Variants in ZCCHC9 observed in about 807,000 individuals in gnomAD.
ZCCHC9 encodes zinc finger CCHC domain-containing protein 9.
ZCCHC9 carries 18 observed loss-of-function variants against 30.8 expected under a neutral mutation model. That is an observed-to-expected ratio of 0.58 (90% CI 0.40 to 0.87). The LOEUF is 0.87. Among genes scored for constraint, ZCCHC9 ranks in the 40% least tolerant of loss-of-function variants. The pLI, the probability that ZCCHC9 is intolerant of heterozygous loss-of-function variation, is 0.00. For synonymous variants in ZCCHC9, 94 were observed against 106.7 expected (o/e 0.88, Z 0.73); for missense variants, 279 against 331.2 (o/e 0.84, Z 1.22).
rs1231920885 is a variant in ZCCHC9 at position 81,301,653 on chromosome 5, C to G, written c.-63C>G. 6.6e-6 allele frequency: 1 copy of G among 152,490 alleles called. No individual in the cohort carries two copies. Among genetic ancestry groups the G allele is most frequent in the Non-Finnish European group, 1.5e-5 (1 of 68,278 alleles). The allele number at this position is 152,490 out of a possible 1,614,324, so 9.4% of individuals were successfully genotyped here. Reference sequence around the variant, plus strand: ...TCCCCGGCTCGCCAACTCGGCTGCTCTGGGGGATTCGTGCGCGGTAAGAAG... The same window carrying G: ...TCCCCGGCTCGCCAACTCGGCTGCTGTGGGGGATTCGTGCGCGGTAAGAAG... On this transcript the variant is annotated 5_prime_UTR_variant, in exon 1 of 6. Coordinates refer to ENST00000407610, the MANE Select transcript of ZCCHC9 (RefSeq NM_001131035.2).
At chr5:81,306,840 T>G (rs1297485261) in intron 2 of ZCCHC9, among the ~76,000 whole-genome samples, 4 of 152,218 alleles carry the variant, frequency 2.6e-5, no homozygotes, top group African/African-American at 9.6e-5. Flanking sequence ...CTCAGCTTAG[T>G]AGAGACCACC....
intron 2 of ZCCHC9, among the ~76,000 whole-genome samples, chr5:81,305,390 A>G (rs1758059578): frequency 1.3e-5 from 2 of 152,182 alleles, no homozygotes; most frequent in Admixed American, 6.5e-5. Flanking sequence ...ACTGAAGTGC[A>G]GATAGATTAA....
At chr5:81,309,069 T>C (rs372492695) in intron 4 of ZCCHC9, 31 bp downstream of exon 4, 56 of 1,508,702 alleles carry the variant, frequency 3.7e-5, no homozygotes, top group Non-Finnish European at 4.6e-5. Flanking sequence ...ATAGCAGAAA[T>C]GGTGAGTCAT....
chr5:81,305,287 G>GCA, intron 2 of ZCCHC9, 146 bp downstream of exon 2: 1 of 1,061,564 alleles, frequency 9.4e-7, no homozygotes, highest in South Asian at 1.8e-5. Flanking sequence ...TACTTTTTTA[G>GCA]CACATATATG....
chr5:81,311,871 A>G (rs1758299003), intron 5 of ZCCHC9, among the ~76,000 whole-genome samples: 1 of 152,230 alleles, frequency 6.6e-6, no homozygotes, highest in South Asian at 2.1e-4. Flanking sequence ...CCTGGACTAG[A>G]ATGATAATCC....
In ZCCHC9 at chr5:81,305,097, G is replaced by A; in HGVS notation, c.340G>A (p.Glu114Lys). Residue 114 changes from glutamate to lysine, a missense_variant, in exon 2 of 6, where the codon GAA becomes AAA. Glu to Lys is a moderately conservative substitution (Grantham distance 56, BLOSUM62 1). Coordinates refer to ENST00000407610, the MANE Select transcript of ZCCHC9 (RefSeq NM_001131035.2). ...AVALKKDSRR[E>K]GRRLKRQAAK... Reference sequence around the variant, plus strand: ...TGCTTTAAAGAAAGACAGTCGACGGGAAGGAAGAAGATTAAAAAGACAAGC... The same window carrying A: ...TGCTTTAAAGAAAGACAGTCGACGGAAAGGAAGAAGATTAAAAAGACAAGC... The A allele has an allele frequency of 6.2e-7, 1 of 1,603,706 alleles. No homozygotes were observed. The highest frequency in any genetic ancestry group is 8.5e-7 in the Non-Finnish European group (1 of 1,177,492).
intron 2 of ZCCHC9, among the ~76,000 whole-genome samples, chr5:81,308,022 A>AATCTATCTATCTATCTATCTATCTATCT (rs1554049990): frequency 2.9e-5 from 2 of 68,360 alleles, no homozygotes; most frequent in Non-Finnish European, 5.6e-5. Flanking sequence ...AAAAAAAAAA[A>AATCTATCTATCTATCTATCTATCTATCT]ATCTATCTAT....
intron 1 of ZCCHC9, 48 bp from the exon 2 acceptor site, chr5:81,304,693 T>A (rs1758040658): frequency 6.7e-7 from 1 of 1,502,552 alleles, no homozygotes; most frequent in Non-Finnish European, 8.9e-7. Context: ...TTTTGTTGTT[T>A]TTGTTGTTGA....
chr5:81,312,175 A>T (rs1758310281), intron 5 of ZCCHC9, among the ~76,000 whole-genome samples: 1 of 152,240 alleles, frequency 6.6e-6, no homozygotes, highest in African/African-American at 2.4e-5. Context: ...CAGATGTTGT[A>T]TAATTTCACA....
At position 81,305,048 on chromosome 5, in the gene ZCCHC9, G is replaced by T; in HGVS notation, c.291G>T (p.Glu97Asp). The T allele has an allele frequency of 1.2e-6, 2 of 1,613,822 alleles. No homozygotes were observed. Among genetic ancestry groups the T allele is most frequent in the Non-Finnish European group, 1.7e-6 (2 of 1,179,964 alleles). The change falls in exon 2 of 6, where the codon GAG (glutamate) becomes GAT (aspartate). Residue 97 changes from glutamate to aspartate, a missense_variant. Transcript: ENST00000407610. Reference protein sequence around the residue: ...HNGQIIATDSEEVREEIAVAL... With the variant: ...HNGQIIATDSDEVREEIAVAL... ...GGCAAATTATAGCAACAGACAGTGAGGAAGTAAGGGAAGAAATTGCAGTTG... is the reference window on the plus strand; with the variant it reads ...GGCAAATTATAGCAACAGACAGTGATGAAGTAAGGGAAGAAATTGCAGTTG...
Position 81,304,979 on chromosome 5 carries a change from A to T in ZCCHC9, c.222A>T (p.Gly74=). ...KKEYLNEDVN[G]FMEYLRQNSQ... ...AGTACTTAAATGAAGATGTGAATGGATTCATGGAATACCTAAGACAGAATT... is the reference window on the plus strand; with the variant it reads ...AGTACTTAAATGAAGATGTGAATGGTTTCATGGAATACCTAAGACAGAATT... The change falls in exon 2 of 6, where the codon GGA becomes GGT. Residue 74 remains glycine, a synonymous_variant. Transcript: ENST00000407610. The T allele has an allele frequency of 6.2e-7, 1 of 1,614,214 alleles. No homozygotes were observed. The highest frequency in any genetic ancestry group is 1.1e-5 in the South Asian group (1 of 91,078).
Position 81,310,157 on chromosome 5 carries a change from T to TAAAAAAAAAAAAAAAAAAAAA in ZCCHC9, c.629-1051_629-1031dup, listed in dbSNP as rs71000814. 1.1e-4 allele frequency among the ~76,000 whole-genome samples: 11 copies of TAAAAAAAAAAAAAAAAAAAAA among 104,756 alleles called. No homozygotes were observed. In the East Asian group the frequency reaches 1.5e-3, roughly 15 times the overall value. 68.7% of individuals were successfully genotyped at this position (104,756 alleles called of 152,430 possible). On this transcript the variant is annotated intron_variant, in intron 4 of 5. Transcript: ENST00000407610. ...ACTGGTCAACCAAAGTGACTAGCTG[T>TAAAAAAAAAAAAAAAAAAAAA]AAAAAAAAAAAAAAAAAAAAAAATT...
At chr5:81,311,103 T>A in intron 4 of ZCCHC9, 108 bp from the exon 5 acceptor site, 1 of 1,107,814 alleles carries the variant, frequency 9.0e-7, no homozygotes. Flanking sequence ...TAGCTACCTT[T>A]ACAACTGACA....
At chr5:81,311,014 A>G (rs1479291094) in intron 4 of ZCCHC9, among the ~76,000 whole-genome samples, 197 bp from the exon 5 acceptor site, 1 of 152,198 alleles carries the variant, frequency 6.6e-6, no homozygotes, top group East Asian at 1.9e-4. Context: ...GTGGGTGGGT[A>G]CAATTTAGTG....
chr5:81,309,022 A>T lies in ZCCHC9; in HGVS notation c.612A>T (p.Lys204Asn). ...HLSRSCPDNPKGLYADGGGCK... is the reference protein window; with the variant it reads ...HLSRSCPDNPNGLYADGGGCK... ...CTAGATCTTGTCCTGATAATCCCAA[A>T]GGACTCTATGCTGATGGTAAGTACT... The change falls in exon 4 of 6, where the codon AAA (lysine) becomes AAT (asparagine). Residue 204 changes from lysine (K) to asparagine (N), a missense_variant. Lys to Asn is a moderately conservative substitution (Grantham distance 94). Transcript: ENST00000407610. The T allele has an allele frequency of 1.2e-6, 2 of 1,612,190 alleles. No individual in the cohort carries two copies. The highest frequency in any genetic ancestry group is 1.7e-6 in the Non-Finnish European group (2 of 1,179,298).
In ZCCHC9 at chr5:81,305,278, A is replaced by C. The variant is rs546173333; in HGVS notation, c.384+137A>C. On this transcript the variant is annotated intron_variant, in intron 2 of 5. Transcript: ENST00000407610. ...ATAGAGCATCGTTTTAAGGACTAGT[A>C]CTTTTTTAGCACATATATGCTAGGC... The C allele has an allele frequency of 5.8e-3, 6,943 of 1,198,002 alleles. 26 individuals carry two copies. Among genetic ancestry groups the C allele is most frequent in the Non-Finnish European group, 7.1e-3 (6,257 of 876,166 alleles). The allele number at this position is 1,198,002 out of a possible 1,614,324, so 74.2% of individuals were successfully genotyped here. A position where few individuals can be genotyped will look rare whatever the true frequency, so the allele number is the denominator to read the frequency against.
Position 81,311,287 on chromosome 5 carries a change from C to G in ZCCHC9, c.697+8C>G, listed in dbSNP as rs373041403. ...CTGAAAGTCAGAATTCAGGTGAGAT[C>G]TCTGGGCCTCTACTTAGAAGGGGTG... On this transcript the variant is annotated splice_region_variant and intron_variant, in intron 5 of 5. Coordinates refer to ENST00000407610, the MANE Select transcript of ZCCHC9 (RefSeq NM_001131035.2). 3.7e-6 allele frequency: 6 copies of G among 1,613,736 alleles called. No individual in the cohort carries two copies. In the Admixed American group the frequency reaches 1.0e-4, roughly 27 times the overall value.
intron 4 of ZCCHC9, 120 bp from the exon 5 acceptor site, chr5:81,311,091 T>A: frequency 1.0e-6 from 1 of 962,984 alleles, no homozygotes; most frequent in Non-Finnish European, 1.7e-6. Context: ...ATGATCCTGG[T>A]CTAGCTACCT....
chr5:81,305,364 A>G (rs1236058584), intron 2 of ZCCHC9, among the ~76,000 whole-genome samples: 1 of 152,200 alleles, frequency 6.6e-6, no homozygotes, highest in Admixed American at 6.5e-5. Context: ...ATATTCCCAT[A>G]TTATGGATGG....
Sources: gnomAD v4.1 joint callset for allele counts (sites outside exome capture counted in the v4.1 genomes callset) on GRCh38, gnomAD v4.1.1 for gene constraint, MANE v1.5 for transcripts, NCBI Gene and HGNC (gene_info 2026-07-23, HGNC 2026-07-21) for gene names.